The following AP3D1 variants were observed in gnomAD, a reference collection of about 807,000 sequenced individuals.
AP3D1 encodes AP-3 complex subunit delta-1.
In AP3D1, 51 loss-of-function variants were observed where a neutral mutation model predicts 147.6. The ratio of observed to expected loss-of-function variants is 0.35; its 90% CI spans 0.28 to 0.44. AP3D1 has a LOEUF of 0.44. AP3D1 is among the 20% of genes least tolerant of loss of function. The pLI is 1.00. For missense variants in AP3D1, 1,421 were observed against 1,624.2 expected (o/e 0.87, Z 2.15); for synonymous variants, 760 against 663.0 (o/e 1.15, Z -2.25).
intron 1 of AP3D1, among the ~76,000 whole-genome samples, chr19:2,140,520 G>A (rs2019192042): frequency 6.6e-6 from 1 of 151,128 alleles, no homozygotes; most frequent in Admixed American, 6.6e-5. Flanking sequence ...CTGTCGCCCA[G>A]GCTGGAGTGC....
intron 9 of AP3D1, among the ~76,000 whole-genome samples, chr19:2,124,762 G>C (rs537256067): frequency 5.9e-5 from 9 of 152,178 alleles, no homozygotes; most frequent in Admixed American, 2.0e-4. Flanking sequence ...CCAACATGGA[G>C]AAACTCTGTC....
At chr19:2,105,923 C>T (rs1048933859) in intron 31 of AP3D1, among the ~76,000 whole-genome samples, 2 of 152,040 alleles carry the variant, frequency 1.3e-5, no homozygotes, top group African/African-American at 2.4e-5. Context: ...CTGGAAACCC[C>T]GTCTCTACTA....
At chr19:2,108,476 A>G (rs1444814772) in intron 31 of AP3D1, among the ~76,000 whole-genome samples, 1 of 152,224 alleles carries the variant, frequency 6.6e-6, no homozygotes, top group Non-Finnish European at 1.5e-5. Context: ...TGCGGTGAGC[A>G]GCGCAGCAGG....
chr19:2,106,195 A>T lies in AP3D1; in HGVS notation c.3552+2492T>A, dbSNP rs141610361. Among the ~76,000 whole-genome samples the T allele has an allele frequency of 2.2e-3, 334 of 152,262 alleles. 1 individual carries two copies. The highest frequency in any genetic ancestry group is 4.2e-3 in the Non-Finnish European group (284 of 68,010). ...AACAAAGTGCAGCACTGGGGAAGAC[A>T]GTCTGGCAGCTCCTCAAAACCTCAA... On this transcript the variant is annotated intron_variant, in intron 31 of 31. Coordinates refer to ENST00000643116, the MANE Select transcript of AP3D1 (RefSeq NM_001261826.3).
At chr19:2,157,378 C>G (rs2019654307) in intron 1 of AP3D1, among the ~76,000 whole-genome samples, 4 of 138,214 alleles carry the variant, frequency 2.9e-5, no homozygotes, top group Admixed American at 7.7e-5. Context: ...GGAGGCAGAG[C>G]TTGCAGTGAG....
upstream of AP3D1, among the ~76,000 whole-genome samples, chr19:2,155,570 A>G (rs892819850): frequency 2.7e-5 from 4 of 149,080 alleles, no homozygotes; most frequent in Non-Finnish European, 5.9e-5. Context: ...AGTACCCATC[A>G]TACTCCCTGC....
Position 2,118,648 on chromosome 19 carries a change from G to A in AP3D1, c.1666C>T (p.Arg556Trp), listed in dbSNP as rs755474562. ...GCGCTCTGCACAAACTGGGGCAGCC[G>A]GTCCACCATGAGCTGGGTGACGGCC... The part of the protein sequence containing the change: ...AQAVTQLMVD[R>W]LPQFVQSADL... The change falls in exon 15 of 32, where the codon CGG (arginine) becomes TGG (tryptophan). Residue 556 changes from arginine (R) to tryptophan (W), a missense_variant. This residue lies in a region of AP3D1 where 310 missense variants were observed against 388.1 expected (regional missense o/e 0.80). Transcript: ENST00000643116. 27 of 1,612,352 alleles carry A rather than the reference G, an allele frequency of 1.7e-5. No homozygotes were observed. Among genetic ancestry groups the A allele is most frequent in the African/African-American group, 2.7e-5 (2 of 74,930 alleles).
intron 15 of AP3D1, 130 bp downstream of exon 15, chr19:2,118,471 G>T: frequency 1.1e-6 from 1 of 907,786 alleles, no homozygotes; most frequent in Non-Finnish European, 1.6e-6. Flanking sequence ...GCTGGCACAA[G>T]TGGCAACAAA....
chr19:2,145,846 C>G (rs573634425), intron 1 of AP3D1, among the ~76,000 whole-genome samples: 3 of 152,358 alleles, frequency 2.0e-5, no homozygotes, highest in African/African-American at 7.2e-5. Context: ...GCCCAAGCCT[C>G]TTTGAAGAGA....
intron 1 of AP3D1, among the ~76,000 whole-genome samples, chr19:2,163,686 C>G (rs2019790209): frequency 6.6e-6 from 1 of 152,078 alleles, no homozygotes; most frequent in Admixed American, 6.5e-5. Flanking sequence ...CGGGCCCGCC[C>G]ACAGGGTCTC....
At position 2,123,915 on chromosome 19, in the gene AP3D1, A is replaced by T. The variant is rs750665576; in HGVS notation, c.857-36T>A. The T allele has an allele frequency of 1.9e-6, 3 of 1,559,414 alleles. No homozygotes were observed. In the Admixed American group the frequency reaches 5.7e-5, roughly 30 times the overall value. ...CAGCTTGGTCAGCACCACGGTCAGC[A>T]CCATGGCCAGCGCCGACACCAACTC... On this transcript the variant is annotated intron_variant, in intron 9 of 31. Transcript: ENST00000643116.
At chr19:2,123,047 G>T (rs576027386) in intron 11 of AP3D1, among the ~76,000 whole-genome samples, 4 of 152,346 alleles carry the variant, frequency 2.6e-5, no homozygotes, top group South Asian at 4.1e-4. Flanking sequence ...TCGGACCAAG[G>T]TGCTCAGTGA....
At chr19:2,154,789 C>T (rs2019631870), upstream of AP3D1, among the ~76,000 whole-genome samples, 1 of 152,254 alleles carries the variant, frequency 6.6e-6, no homozygotes, top group Non-Finnish European at 1.5e-5. Context: ...TGCCTGGCTC[C>T]CCAGTCAGTC....
At chr19:2,118,526 G>A (rs772739349) in intron 15 of AP3D1, 75 bp downstream of exon 15, 40 of 1,401,016 alleles carry the variant, frequency 2.9e-5, no homozygotes, top group African/African-American at 1.6e-4. Flanking sequence ...AGGCCCCGTC[G>A]ACCTGGCCGC....
chr19:2,114,656 G>C, intron 21 of AP3D1, 92 bp downstream of exon 21: 5 of 589,684 alleles, frequency 8.5e-6, no homozygotes, highest in Non-Finnish European at 1.4e-5. Flanking sequence ...TGCCCACCCT[G>C]CAGAGCCCGG....
intron 31 of AP3D1, among the ~76,000 whole-genome samples, chr19:2,104,901 C>G (rs1485523418): frequency 6.6e-6 from 1 of 151,962 alleles, no homozygotes; most frequent in East Asian, 1.9e-4. Context: ...TCTTGACCTC[C>G]AGGGCTCAAG....
At chr19:2,124,957 A>G (rs542480690) in intron 9 of AP3D1, among the ~76,000 whole-genome samples, 29 of 152,250 alleles carry the variant, frequency 1.9e-4, no homozygotes, top group African/African-American at 7.0e-4. Context: ...ACCGCCCCAA[A>G]AAAGAATGAT....
rs1334494720 is a variant in AP3D1, at chr19:2,114,107, C to G, written c.2601+18G>C. On this transcript the variant is annotated intron_variant, in intron 22 of 31. Coordinates refer to ENST00000643116, the MANE Select transcript of AP3D1 (RefSeq NM_001261826.3). ...GGAGGGGAATGGAGAAGGCCGCCGC[C>G]CTGGGCACTAGCCTTACCTTCTTCT... 1 of 1,551,700 alleles carries G rather than the reference C, an allele frequency of 6.4e-7. No individual in the cohort carries two copies. Among genetic ancestry groups the G allele is most frequent in the Admixed American group, 2.0e-5 (1 of 49,750 alleles).
chr19:2,129,407 G>C lies in AP3D1; in HGVS notation c.643C>G (p.Pro215Ala). 6.2e-7 allele frequency: 1 copy of C among 1,614,136 alleles called. No individual in the cohort carries two copies. The highest frequency in any genetic ancestry group is 8.5e-7 in the Non-Finnish European group (1 of 1,180,010). Residue 215 changes from proline to alanine, a missense_variant, in exon 7 of 32, where the codon CCT (proline) becomes GCT (alanine). Transcript: ENST00000643116. ...NVICELARRNPKNYLSLAPLF... is the reference protein window; with the variant it reads ...NVICELARRNAKNYLSLAPLF... ...GGGGCCAGGGACAGGTAGTTCTTAG[G>C]GTTGCGTCTGGCCAGCTCGCAGATG...
Sources: allele counts gnomAD v4.1 joint callset (sites outside exome capture counted in the v4.1 genomes callset), GRCh38; gene constraint gnomAD v4.1.1; regional missense constraint gnomAD v4.1.1; transcripts MANE v1.5; gene names NCBI Gene and HGNC (gene_info 2026-07-23, HGNC 2026-07-21).